Variants in OR2AG1 observed in about 807,000 individuals in gnomAD.
OR2AG1 encodes olfactory receptor 2AG1.
For synonymous variants in OR2AG1, 157 were observed against 155.6 expected, an observed-to-expected ratio of 1.01 and a Z score of -0.07; for missense variants, 391 against 385.9, an observed-to-expected ratio of 1.01 and a Z score of -0.11.
In OR2AG1 at chr11:6,786,236, G is replaced by A. The variant is rs1847626045; in HGVS notation, c.*248G>A. Reference sequence around the variant, plus strand: ...TAAAATTTAATCTTTATTTTCCCAGGAAGGTATTTAGTTAAATGGGTTCCC... The same window carrying A: ...TAAAATTTAATCTTTATTTTCCCAGAAAGGTATTTAGTTAAATGGGTTCCC... On this transcript the variant is annotated 3_prime_UTR_variant, in exon 2 of 2. Transcript: ENST00000641258. 5 of 399,224 alleles carry A rather than the reference G, an allele frequency of 1.3e-5. No homozygotes were observed. In the South Asian group the frequency reaches 3.2e-4, roughly 26 times the overall value. 24.7% of individuals were successfully genotyped at this position (399,224 alleles called of 1,614,324 possible). A position where few individuals can be genotyped will look rare whatever the true frequency, so the allele number is the denominator to read the frequency against.
In OR2AG1 at chr11:6,785,831, T is replaced by A. The variant is rs1847621475; in HGVS notation, c.794T>A (p.Phe265Tyr). ...TTCATGTATGTCTTGCCCAGTTCCT[T>A]CCACAGCACCAGACAAGACAACATC... ...ATFMYVLPSS[F>Y]HSTRQDNIIS... Residue 265 changes from phenylalanine to tyrosine, a missense_variant, in exon 2 of 2, where the codon TTC becomes TAC. Coordinates refer to ENST00000641258, the MANE Select transcript of OR2AG1 (RefSeq NM_001004489.3). 1 of 1,614,120 alleles carries A rather than the reference T, an allele frequency of 6.2e-7. No individual in the cohort carries two copies. Among genetic ancestry groups the A allele is most frequent in the African/African-American group, 1.3e-5 (1 of 75,018 alleles).
chr11:6,783,564 C>G (rs1473013467), intron 1 of OR2AG1, 93 bp downstream of exon 1: 1 of 152,218 alleles, frequency 6.6e-6, no homozygotes, highest in Non-Finnish European at 1.5e-5. Flanking sequence ...AGAACTTGAA[C>G]TACTCGGTCT....
chr11:6,790,341 A>T lies in OR2AG1; in HGVS notation c.*4353A>T, dbSNP rs1182770483. 6.6e-6 allele frequency: 1 copy of T among 152,202 alleles called. No homozygotes were observed. The highest frequency in any genetic ancestry group is 1.5e-5 in the Non-Finnish European group (1 of 68,032). 9.4% of individuals were successfully genotyped at this position (152,202 alleles called of 1,614,324 possible). Reference sequence around the variant, plus strand: ...TGAGGTTCCAACATATAGCATGGTGACTGAAGTTAATAAAAATGTGTACTT... The same window carrying T: ...TGAGGTTCCAACATATAGCATGGTGTCTGAAGTTAATAAAAATGTGTACTT... On this transcript the variant is annotated 3_prime_UTR_variant, in exon 2 of 2. Coordinates refer to ENST00000641258, the MANE Select transcript of OR2AG1 (RefSeq NM_001004489.3).
rs1306096789 is a variant in OR2AG1 at position 6,785,609 on chromosome 11, A to T, written c.572A>T (p.Asp191Val). The T allele has an allele frequency of 6.2e-7, 1 of 1,613,974 alleles. No homozygotes were observed. The highest frequency in any genetic ancestry group is 8.5e-7 in the Non-Finnish European group (1 of 1,179,976). The change falls in exon 2 of 2, where the codon GAT becomes GTT. Residue 191 changes from aspartate to valine, a missense_variant. Coordinates refer to ENST00000641258, the MANE Select transcript of OR2AG1 (RefSeq NM_001004489.3). ...CACTTGCTGAAGGTGGCCTGTGCTG[A>T]TACCTCCAGATATGAGCTCATGGTA... ...IPHLLKVACA[D>V]TSRYELMVYV...
rs1273670147 is a variant in OR2AG1, at chr11:6,787,270, G to A, written c.*1282G>A. The A allele has an allele frequency of 1.3e-5, 2 of 151,840 alleles. No homozygotes were observed. The highest frequency in any genetic ancestry group is 4.8e-5 in the African/African-American group (2 of 41,250). 9.4% of individuals were successfully genotyped at this position (151,840 alleles called of 1,614,324 possible). On this transcript the variant is annotated 3_prime_UTR_variant, in exon 2 of 2. Coordinates refer to ENST00000641258, the MANE Select transcript of OR2AG1 (RefSeq NM_001004489.3). The stretch of plus-strand genomic sequence containing the variant: ...GTTATTTTTCCTATATTATATAGTG[G>A]CAGTATACAGCACTGCAAAGAGTCT...
rs1316761773 is a variant in OR2AG1 at position 6,789,251 on chromosome 11, T to G, written c.*3263T>G. ...CCTCACCCTTCTGTTGGGAAATTTT[T>G]CTTCTTTTGGCTTCCAGACACCACA... On this transcript the variant is annotated 3_prime_UTR_variant, in exon 2 of 2. Transcript: ENST00000641258. 6.6e-6 allele frequency: 1 copy of G among 152,196 alleles called. No individual in the cohort carries two copies. Among genetic ancestry groups the G allele is most frequent in the Non-Finnish European group, 1.5e-5 (1 of 68,038 alleles). The allele number at this position is 152,196 out of a possible 1,614,324, so 9.4% of individuals were successfully genotyped here.
Position 6,786,012 on chromosome 11 carries a change from G to A in OR2AG1, c.*24G>A, listed in dbSNP as rs497681. 907,276 of 1,560,842 alleles carry A rather than the reference G, an allele frequency of 0.58. 265,142 individuals are homozygous for A. The highest frequency in any genetic ancestry group is 0.66 in the Middle Eastern group (3,846 of 5,806). On this transcript the variant is annotated 3_prime_UTR_variant, in exon 2 of 2. Transcript: ENST00000641258. ...AGGGAAGGATCATGGCTAGCTTCCA[G>A]AATTCCTTCTCCTGAGAGTCAAAAG...
chr11:6,788,229 T>G lies in OR2AG1; in HGVS notation c.*2241T>G, dbSNP rs558910863. 1 of 152,308 alleles carries G rather than the reference T, an allele frequency of 6.6e-6. No individual in the cohort carries two copies. Among genetic ancestry groups the G allele is most frequent in the East Asian group, 1.9e-4 (1 of 5,192 alleles). The allele number at this position is 152,308 out of a possible 1,614,324, so 9.4% of individuals were successfully genotyped here. A position where few individuals can be genotyped will look rare whatever the true frequency, so the allele number is the denominator to read the frequency against. ...ATAATTTTCTATTCTCATTGACGTC[T>G]TTGCTGTGCATCATACAGTTCAATT... On this transcript the variant is annotated 3_prime_UTR_variant, in exon 2 of 2. Coordinates refer to ENST00000641258, the MANE Select transcript of OR2AG1 (RefSeq NM_001004489.3).
rs1847632850 is a variant in OR2AG1 at position 6,786,856 on chromosome 11, A to G, written c.*868A>G. ...AGAGGACAACATAATGCATTTTCTC[A>G]CCAGCTTAATTATGCTGCACTACTA... is the stretch of plus-strand genomic sequence containing the variant. On this transcript the variant is annotated 3_prime_UTR_variant, in exon 2 of 2. Transcript: ENST00000641258. 6.6e-6 allele frequency: 1 copy of G among 152,156 alleles called. No homozygotes were observed. Among genetic ancestry groups the G allele is most frequent in the Non-Finnish European group, 1.5e-5 (1 of 68,010 alleles). 9.4% of individuals were successfully genotyped at this position (152,156 alleles called of 1,614,324 possible). A position where few individuals can be genotyped will look rare whatever the true frequency, so the allele number is the denominator to read the frequency against.
In OR2AG1 at chr11:6,785,224, C is replaced by T; in HGVS notation, c.187C>T (p.Leu63Phe). The T allele has an allele frequency of 1.2e-6, 2 of 1,614,184 alleles. No homozygotes were observed. The highest frequency in any genetic ancestry group is 1.3e-5 in the African/African-American group (1 of 75,056). ...ARLHMPMYLL[L>F]GQLSLMDLLF... ...GCTCCACATGCCCATGTACCTCCTGCTTGGGCAGCTCTCTCTCATGGACCT... is the reference window on the plus strand; with the variant it reads ...GCTCCACATGCCCATGTACCTCCTGTTTGGGCAGCTCTCTCTCATGGACCT... Residue 63 changes from leucine (L) to phenylalanine (F), a missense_variant, in exon 2 of 2, where the codon CTT (leucine) becomes TTT (phenylalanine). Coordinates refer to ENST00000641258, the MANE Select transcript of OR2AG1 (RefSeq NM_001004489.3).
chr11:6,787,632 ATT>A lies in OR2AG1; in HGVS notation c.*1645_*1646del, dbSNP rs1487961929. On this transcript the variant is annotated 3_prime_UTR_variant, in exon 2 of 2. Coordinates refer to ENST00000641258, the MANE Select transcript of OR2AG1 (RefSeq NM_001004489.3). ...TTGTAACATTATTAGCTATTTTATCATTGTTTTACCTTTAACATTGTCGTGTG... is the reference window on the plus strand; with the variant it reads ...TTGTAACATTATTAGCTATTTTATCAGTTTTACCTTTAACATTGTCGTGTG... 6.8e-6 allele frequency: 1 copy of A among 146,780 alleles called. No homozygotes were observed. Among genetic ancestry groups the A allele is most frequent in the Non-Finnish European group, 1.5e-5 (1 of 66,436 alleles). The allele number at this position is 146,780 out of a possible 1,614,324, so 9.1% of individuals were successfully genotyped here.
Position 6,788,907 on chromosome 11 carries a change from A to AAAATAAATAAATAAATAAATAAAT in OR2AG1, c.*2943_*2966dup, listed in dbSNP as rs60349251. 21 of 138,560 alleles carry AAAATAAATAAATAAATAAATAAAT rather than the reference A, an allele frequency of 1.5e-4. No homozygotes were observed. Among genetic ancestry groups the AAAATAAATAAATAAATAAATAAAT allele is most frequent in the Admixed American group, 1.4e-3 (19 of 13,640 alleles). 8.6% of individuals were successfully genotyped at this position (138,560 alleles called of 1,614,324 possible). A position where few individuals can be genotyped will look rare whatever the true frequency, so the allele number is the denominator to read the frequency against. ...GGGCAACAGAGTGAGATTCTGTCAC[A>AAAATAAATAAATAAATAAATAAAT]AAATAAATAAATAAATAAATAAATA... is the stretch of plus-strand genomic sequence containing the variant. On this transcript the variant is annotated 3_prime_UTR_variant, in exon 2 of 2. Transcript: ENST00000641258.
chr11:6,788,082 A>T lies in OR2AG1; in HGVS notation c.*2094A>T, dbSNP rs1405280667. 1 of 152,062 alleles carries T rather than the reference A, an allele frequency of 6.6e-6. No individual in the cohort carries two copies. Among genetic ancestry groups the T allele is most frequent in the African/African-American group, 2.4e-5 (1 of 41,408 alleles). The allele number at this position is 152,062 out of a possible 1,614,324, so 9.4% of individuals were successfully genotyped here. ...ATATTTGTGGTAATAACTTCTTTTCAATTTGTTATTTGGCTTCTAATATCT... is the reference window on the plus strand; with the variant it reads ...ATATTTGTGGTAATAACTTCTTTTCTATTTGTTATTTGGCTTCTAATATCT... On this transcript the variant is annotated 3_prime_UTR_variant, in exon 2 of 2. Transcript: ENST00000641258.
Position 6,785,101 on chromosome 11 carries a change from G to T in OR2AG1, c.64G>T (p.Gly22Trp). 1 of 1,613,902 alleles carries T rather than the reference G, an allele frequency of 6.2e-7. No homozygotes were observed. Among genetic ancestry groups the T allele is most frequent in the Non-Finnish European group, 8.5e-7 (1 of 1,179,868 alleles). The change falls in exon 2 of 2, where the codon GGG (glycine) becomes TGG (tryptophan). Residue 22 changes from glycine (G) to tryptophan (W), a missense_variant. Transcript: ENST00000641258. Reference sequence around the variant, plus strand: ...TTTGGTGGGGATTCTGAATGACAGTGGGTCTCCTGAACTGCTCTGTGCTAC... The same window carrying T: ...TTTGGTGGGGATTCTGAATGACAGTTGGTCTCCTGAACTGCTCTGTGCTAC... ...FILVGILNDS[G>W]SPELLCATIT...
In OR2AG1 at chr11:6,790,339, T is replaced by C. The variant is rs960747806; in HGVS notation, c.*4351T>C. ...TCTGAGGTTCCAACATATAGCATGG[T>C]GACTGAAGTTAATAAAAATGTGTAC... On this transcript the variant is annotated 3_prime_UTR_variant, in exon 2 of 2. Transcript: ENST00000641258. 1 of 152,204 alleles carries C rather than the reference T, an allele frequency of 6.6e-6. No individual in the cohort carries two copies. The highest frequency in any genetic ancestry group is 2.4e-5 in the African/African-American group (1 of 41,448). 9.4% of individuals were successfully genotyped at this position (152,204 alleles called of 1,614,324 possible). A position where few individuals can be genotyped will look rare whatever the true frequency, so the allele number is the denominator to read the frequency against.
chr11:6,785,298 CA>C lies in OR2AG1; in HGVS notation c.262del (p.Arg88GlufsTer18), dbSNP rs1202484759. On this transcript the variant is annotated frameshift_variant, in exon 2 of 2. Transcript: ENST00000641258. LOFTEE classifies it low-confidence loss of function (END_TRUNC). ...TPKALADFLR[R>X]ENTISFGGCA... ...CCAAGGCCCTTGCGGACTTTCTGCG[CA>C]GAGAAAACACCATCTCCTTTGGAGG... 6.2e-7 allele frequency: 1 copy of C among 1,614,184 alleles called. No individual in the cohort carries two copies. Among genetic ancestry groups the C allele is most frequent in the South Asian group, 1.1e-5 (1 of 91,082 alleles).
At chr11:6,784,254 T>C (rs1742775376) in intron 1 of OR2AG1, among the ~76,000 whole-genome samples, 1 of 152,200 alleles carries the variant, frequency 6.6e-6, no homozygotes. Flanking sequence ...CCTTTCACCA[T>C]TTCTCCCAAA....
Position 6,787,867 on chromosome 11 carries a change from C to G in OR2AG1, c.*1879C>G, listed in dbSNP as rs1281075922. Reference sequence around the variant, plus strand: ...CTTAAAATGTTAAATATTTTGCATTCTTACCAGCAACATATAAGTGTACTT... The same window carrying G: ...CTTAAAATGTTAAATATTTTGCATTGTTACCAGCAACATATAAGTGTACTT... On this transcript the variant is annotated 3_prime_UTR_variant, in exon 2 of 2. Transcript: ENST00000641258. The G allele has an allele frequency of 1.3e-5, 2 of 152,062 alleles. No individual in the cohort carries two copies. Among genetic ancestry groups the G allele is most frequent in the Non-Finnish European group, 2.9e-5 (2 of 67,982 alleles). The allele number at this position is 152,062 out of a possible 1,614,324, so 9.4% of individuals were successfully genotyped here.
In OR2AG1 at chr11:6,785,625, G is replaced by C; in HGVS notation, c.588G>C (p.Glu196Asp). The change falls in exon 2 of 2, where the codon GAG becomes GAC. Residue 196 changes from glutamate to aspartate, a missense_variant. Physicochemically the swap from Glu to Asp is conservative, Grantham distance 45. Transcript: ENST00000641258. ...CCTGTGCTGATACCTCCAGATATGA[G>C]CTCATGGTATATGTGATGGGTGTGA... The part of the protein sequence containing the change: ...KVACADTSRY[E>D]LMVYVMGVTF... The C allele has an allele frequency of 6.2e-7, 1 of 1,614,098 alleles. No homozygotes were observed. The highest frequency in any genetic ancestry group is 8.5e-7 in the Non-Finnish European group (1 of 1,179,952).
Sources: gnomAD v4.1 joint callset for allele counts (sites outside exome capture counted in the v4.1 genomes callset) on GRCh38, gnomAD v4.1.1 for gene constraint, MANE v1.5 for transcripts, NCBI Gene and HGNC (gene_info 2026-07-23, HGNC 2026-07-21) for gene names.